TMEM217: variants seen among roughly 807,000 people sequenced by gnomAD.
TMEM217 encodes transmembrane protein 217.
For synonymous variants in TMEM217, 76 were observed against 88.3 expected (o/e 0.86, Z 0.78); for missense variants, 204 against 248.8 (o/e 0.82, Z 1.21).
At chr6:37,223,944 T>G (rs1285128748) in intron 1 of TMEM217, among the ~76,000 whole-genome samples, 3 of 151,150 alleles carry the variant, frequency 2.0e-5, no homozygotes, top group Admixed American at 6.6e-5. Context: ...TCAGCCTTTT[T>G]TTTTTTTTCT....
chr6:37,248,595 T>C (rs1422014481), intron 1 of TMEM217, among the ~76,000 whole-genome samples: 1 of 152,196 alleles, frequency 6.6e-6, no homozygotes, highest in Admixed American at 6.5e-5. Context: ...CAGGCAAGCC[T>C]CTTCCTCTCT....
chr6:37,222,904 AG>A (rs1268902919), intron 1 of TMEM217, among the ~76,000 whole-genome samples: 1 of 152,228 alleles, frequency 6.6e-6, no homozygotes, highest in Non-Finnish European at 1.5e-5. Context: ...GAGTGATGGT[AG>A]CAGCCACTGC....
At chr6:37,238,882 G>A (rs1168724050) in intron 1 of TMEM217, among the ~76,000 whole-genome samples, 1 of 152,238 alleles carries the variant, frequency 6.6e-6, no homozygotes, top group Non-Finnish European at 1.5e-5. Context: ...TGTAATCCCA[G>A]CAGTTTAGGA....
chr6:37,237,974 C>G (rs1210779707), intron 1 of TMEM217, among the ~76,000 whole-genome samples: 3 of 151,998 alleles, frequency 2.0e-5, no homozygotes, highest in Non-Finnish European at 4.4e-5. Context: ...ACCATACAGC[C>G]AGATGCAAAT....
chr6:37,215,318 T>C (rs773519971), downstream of TMEM217: 2 of 1,606,562 alleles, frequency 1.2e-6, no homozygotes, highest in Non-Finnish European at 1.7e-6. Flanking sequence ...TAAAAATTGT[T>C]TTTAATTAAG....
At chr6:37,236,183 C>CA (rs1410303282) in intron 1 of TMEM217, among the ~76,000 whole-genome samples, 3 of 152,124 alleles carry the variant, frequency 2.0e-5, no homozygotes, top group Admixed American at 6.5e-5. Flanking sequence ...GACATGGTCT[C>CA]ACTATGTTGC....
At chr6:37,243,609 G>GT (rs559395783) in intron 1 of TMEM217, among the ~76,000 whole-genome samples, 11 of 152,176 alleles carry the variant, frequency 7.2e-5, no homozygotes, top group South Asian at 2.1e-4. Context: ...GTTTTGTTTT[G>GT]TTTTTTGAGA....
intron 1 of TMEM217, among the ~76,000 whole-genome samples, chr6:37,238,386 G>A (rs1764599250): frequency 6.6e-6 from 1 of 152,150 alleles, no homozygotes; most frequent in African/African-American, 2.4e-5. Flanking sequence ...AAGCTGTGTT[G>A]TAGCAGACAC....
chr6:37,254,894 T>C (rs1765630037), intron 1 of TMEM217, among the ~76,000 whole-genome samples: 1 of 152,110 alleles, frequency 6.6e-6, no homozygotes, highest in Non-Finnish European at 1.5e-5. Context: ...ATGAAACAGT[T>C]CCACTTCAAA....
At chr6:37,223,831 T>C (rs1310313918) in intron 1 of TMEM217, among the ~76,000 whole-genome samples, 2 of 151,846 alleles carry the variant, frequency 1.3e-5, no homozygotes, top group African/African-American at 4.8e-5. Context: ...TATATATTTA[T>C]TTATAGAGAT....
At chr6:37,233,386 T>C (rs936921204) in intron 1 of TMEM217, among the ~76,000 whole-genome samples, 2 of 152,158 alleles carry the variant, frequency 1.3e-5, no homozygotes, top group Non-Finnish European at 2.9e-5. Context: ...ACAACAGAAA[T>C]TTATTTCTCA....
At chr6:37,221,114 C>G (rs1763490860) in intron 1 of TMEM217, among the ~76,000 whole-genome samples, 1 of 152,146 alleles carries the variant, frequency 6.6e-6, no homozygotes, top group Non-Finnish European at 1.5e-5. Flanking sequence ...TCCCCCTGCC[C>G]CAGCTCCTGG....
chr6:37,213,173 A>G (rs1319274951), downstream of TMEM217, among the ~76,000 whole-genome samples: 6 of 152,236 alleles, frequency 3.9e-5, no homozygotes, highest in Non-Finnish European at 8.8e-5. Context: ...AACTTGCTAG[A>G]TGTGACCACA....
intron 1 of TMEM217, among the ~76,000 whole-genome samples, chr6:37,221,115 C>T (rs1010440753): frequency 6.6e-6 from 1 of 152,136 alleles, no homozygotes; most frequent in Non-Finnish European, 1.5e-5. Flanking sequence ...CCCCCTGCCC[C>T]AGCTCCTGGA....
downstream of TMEM217, chr6:37,217,581 C>A (rs557201191): frequency 1.6e-4 from 155 of 947,680 alleles, no homozygotes; most frequent in African/African-American, 2.3e-4. Flanking sequence ...TAAGGAAGTG[C>A]CTTTCACACT....
At chr6:37,216,822 G>C (rs538300834), downstream of TMEM217, among the ~76,000 whole-genome samples, 11 of 152,290 alleles carry the variant, frequency 7.2e-5, no homozygotes, top group African/African-American at 2.6e-4. Context: ...AGGGACAGGA[G>C]GGAACTAGCT....
chr6:37,227,046 A>G (rs974439853), intron 1 of TMEM217, among the ~76,000 whole-genome samples: 2 of 152,244 alleles, frequency 1.3e-5, no homozygotes, highest in African/African-American at 4.8e-5. Context: ...CCAGGCCTGT[A>G]TATCTGCACA....
chr6:37,232,248 T>C (rs955780433), intron 1 of TMEM217, among the ~76,000 whole-genome samples: 1 of 152,228 alleles, frequency 6.6e-6, no homozygotes, highest in African/African-American at 2.4e-5. Context: ...CAGAATAACA[T>C]GCTGAAATAG....
In TMEM217 at chr6:37,245,706, GGAGGAGGAAGAGCAGGAGGAGGAC is replaced by G. The variant is rs1480414019; in HGVS notation, c.-12+11838_-12+11861del. On this transcript the variant is annotated intron_variant, in intron 1 of 1. Transcript: ENST00000357219. ...AGGAAGAGGAGGAGCAGGAGGAGGA[GGAGGAGGAAGAGCAGGAGGAGGAC>G]GAGGAGGAGGAGGAGATGGAGGAGG... 2.6e-5 allele frequency among the ~76,000 whole-genome samples: 4 copies of G among 152,240 alleles called. No individual in the cohort carries two copies. In the East Asian group the frequency reaches 7.7e-4, roughly 29 times the overall value.
Sources: gnomAD v4.1 joint callset for allele counts (sites outside exome capture counted in the v4.1 genomes callset) on GRCh38, gnomAD v4.1.1 for gene constraint, MANE v1.5 for transcripts, NCBI Gene and HGNC (gene_info 2026-07-23, HGNC 2026-07-21) for gene names.